The following SH3GL2 variants were observed in gnomAD, a reference collection of about 807,000 sequenced individuals.
SH3GL2 encodes the protein SH3 domain containing GRB2 like 2, endophilin A1, also known as endophilin-A1.
Under a neutral mutation model 46.0 loss-of-function variants are expected in SH3GL2, and 24 were observed. That is an observed-to-expected ratio of 0.52 (90% CI 0.38 to 0.73). The LOEUF is 0.73. SH3GL2 is among the 30% of genes least tolerant of loss of function. SH3GL2 has a pLI of 0.00. For missense variants in SH3GL2, 413 were observed against 424.2 expected, an observed-to-expected ratio of 0.97 and a Z score of 0.23; for synonymous variants, 196 against 147.1, an observed-to-expected ratio of 1.33 and a Z score of -2.40.
chr9:17,738,098 G>T (rs1174875067), intron 1 of SH3GL2, among the ~76,000 whole-genome samples: 1 of 152,068 alleles, frequency 6.6e-6, no homozygotes, highest in African/African-American at 2.4e-5. Flanking sequence ...AAACAAAACT[G>T]CAGGTTCCCA....
intron 1 of SH3GL2, among the ~76,000 whole-genome samples, chr9:17,631,886 C>T (rs1819433965): frequency 1.3e-5 from 2 of 152,126 alleles, no homozygotes; most frequent in African/African-American, 4.8e-5. Context: ...TTTTTGAAAT[C>T]GACCTAAAAA....
At chr9:17,725,820 T>TG (rs1409195083) in intron 1 of SH3GL2, among the ~76,000 whole-genome samples, 1 of 152,142 alleles carries the variant, frequency 6.6e-6, no homozygotes, top group Non-Finnish European at 1.5e-5. Context: ...AACACATGGC[T>TG]GGGGGTTGAA....
intron 1 of SH3GL2, among the ~76,000 whole-genome samples, chr9:17,628,400 A>G (rs906162540): frequency 6.9e-6 from 1 of 145,346 alleles, no homozygotes; most frequent in African/African-American, 2.6e-5. Context: ...TGCCCAGATA[A>G]CTATATCTTG....
chr9:17,698,333 AT>A (rs1156588389), intron 1 of SH3GL2, among the ~76,000 whole-genome samples: 2 of 152,148 alleles, frequency 1.3e-5, no homozygotes, highest in Non-Finnish European at 2.9e-5. Flanking sequence ...TGCTTTTAAT[AT>A]CAGCTTCATA....
At chr9:17,585,052 T>C (rs1023998467) in intron 1 of SH3GL2, among the ~76,000 whole-genome samples, 1 of 152,088 alleles carries the variant, frequency 6.6e-6, no homozygotes, top group African/African-American at 2.4e-5. Flanking sequence ...ACAGATGTCA[T>C]TGTGGAAGGG....
intron 1 of SH3GL2, among the ~76,000 whole-genome samples, chr9:17,731,539 C>A (rs1822182895): frequency 6.6e-6 from 1 of 152,016 alleles, no homozygotes; most frequent in Non-Finnish European, 1.5e-5. Flanking sequence ...AAGGCAAAGG[C>A]AGCGTCATGC....
chr9:17,582,586 T>A (rs920623370), intron 1 of SH3GL2, among the ~76,000 whole-genome samples: 1 of 152,246 alleles, frequency 6.6e-6, no homozygotes, highest in African/African-American at 2.4e-5. Flanking sequence ...TGGACACATT[T>A]TGCTTTACAA....
At chr9:17,695,205 T>C (rs1282417743) in intron 1 of SH3GL2, among the ~76,000 whole-genome samples, 1 of 152,140 alleles carries the variant, frequency 6.6e-6, no homozygotes, top group African/African-American at 2.4e-5. Flanking sequence ...TGGTGTCTTG[T>C]AGCATAAGAT....
intron 3 of SH3GL2, among the ~76,000 whole-genome samples, chr9:17,785,097 C>G (rs1823915341): frequency 6.6e-6 from 1 of 152,140 alleles, no homozygotes; most frequent in Non-Finnish European, 1.5e-5. Flanking sequence ...TTTTTCCAGT[C>G]ACCACCAGCC....
At chr9:17,745,620 T>C (rs969100530) in intron 1 of SH3GL2, among the ~76,000 whole-genome samples, 8 of 152,088 alleles carry the variant, frequency 5.3e-5, no homozygotes, top group African/African-American at 1.9e-4. Flanking sequence ...TGGTCTCTTC[T>C]GAGTGTTTTC....
intron 1 of SH3GL2, among the ~76,000 whole-genome samples, chr9:17,611,297 C>T (rs1026065997): frequency 2.0e-5 from 3 of 151,896 alleles, no homozygotes; most frequent in Admixed American, 6.6e-5. Flanking sequence ...AACGTGGGTA[C>T]GTGATAGACA....
intron 1 of SH3GL2, among the ~76,000 whole-genome samples, chr9:17,675,504 A>G (rs185420061): frequency 6.6e-6 from 1 of 152,322 alleles, no homozygotes; most frequent in East Asian, 1.9e-4. Flanking sequence ...ATTGATTACA[A>G]AACTCTTTAA....
chr9:17,675,759 A>T (rs1213662236), intron 1 of SH3GL2, among the ~76,000 whole-genome samples: 1 of 152,190 alleles, frequency 6.6e-6, no homozygotes, highest in East Asian at 1.9e-4. Context: ...ATCCTGGCTC[A>T]CATGGTGAAA....
At chr9:17,793,894 G>C (rs533026525) in intron 8 of SH3GL2, among the ~76,000 whole-genome samples, 7 of 152,228 alleles carry the variant, frequency 4.6e-5, no homozygotes, top group South Asian at 2.1e-4. Context: ...CCCCTGGACA[G>C]TGTGTCCCCA....
At chr9:17,650,285 C>T (rs969656809) in intron 1 of SH3GL2, among the ~76,000 whole-genome samples, 8 of 152,294 alleles carry the variant, frequency 5.3e-5, no homozygotes, top group Admixed American at 2.6e-4. Flanking sequence ...CACAAAAGAA[C>T]GTGATATATC....
intron 1 of SH3GL2, among the ~76,000 whole-genome samples, chr9:17,639,267 G>T (rs1196845647): frequency 2.6e-5 from 4 of 152,142 alleles, no homozygotes; most frequent in African/African-American, 4.8e-5. Flanking sequence ...GGGGAACAAG[G>T]CAAGTCATAA....
At chr9:17,737,588 C>A (rs942054347) in intron 1 of SH3GL2, among the ~76,000 whole-genome samples, 3 of 152,146 alleles carry the variant, frequency 2.0e-5, no homozygotes, top group African/African-American at 7.2e-5. Context: ...ACTGCTACCT[C>A]CTTGCCCGTC....
At chr9:17,710,391 A>C (rs1439451363) in intron 1 of SH3GL2, among the ~76,000 whole-genome samples, 2 of 151,994 alleles carry the variant, frequency 1.3e-5, no homozygotes, top group African/African-American at 4.8e-5. Flanking sequence ...GGACTAATAC[A>C]GGGACCATTA....
At chr9:17,794,417 C>T (rs1244591832) in intron 8 of SH3GL2, among the ~76,000 whole-genome samples, 2 of 152,152 alleles carry the variant, frequency 1.3e-5, no homozygotes, top group Admixed American at 1.3e-4. Flanking sequence ...AGGTGGTGCT[C>T]TCTGTCCTTT....
Sources: allele counts gnomAD v4.1 joint callset (sites outside exome capture counted in the v4.1 genomes callset), GRCh38; gene constraint gnomAD v4.1.1; transcripts MANE v1.5; gene names NCBI Gene and HGNC (gene_info 2026-07-23, HGNC 2026-07-21).